PCSK5: variants seen among roughly 807,000 people sequenced by gnomAD.
PCSK5 encodes the protein proprotein convertase subtilisin/kexin type 5.
PCSK5 carries 129 observed loss-of-function variants against 233.2 expected under a neutral mutation model. That is an observed-to-expected ratio of 0.55 (90% CI 0.48 to 0.64). The LOEUF is 0.64. Ranked by LOEUF, PCSK5 falls within the 30% of genes least tolerant of loss-of-function variation. The probability of loss-of-function intolerance (pLI) is 0.00; values close to 1 mark genes in which losing one functional copy is unlikely to be tolerated. For missense variants in PCSK5, 2,076 were observed against 2,430.1 expected (o/e 0.85, Z 3.06); for synonymous variants, 825 against 879.2 (o/e 0.94, Z 1.09).
intron 20 of PCSK5, among the ~76,000 whole-genome samples, chr9:76,218,659 C>A (rs1825623894): frequency 6.8e-6 from 1 of 147,622 alleles, no homozygotes; most frequent in Admixed American, 6.8e-5. Flanking sequence ...CCACCACATC[C>A]TATGAGAGAG....
In PCSK5 at chr9:75,891,561, A is replaced by ACC. The variant is rs1244509755; in HGVS notation, c.192+189_192+190insCC. Among the ~76,000 whole-genome samples, 3 of 113,322 alleles carry ACC rather than the reference A, an allele frequency of 2.6e-5. No individual in the cohort carries two copies. The East Asian group carries it at 6.4e-4, about 24-fold the overall frequency. 74.3% of individuals were successfully genotyped at this position (113,322 alleles called of 152,430 possible). ...CACACACACACACACACACACACAC[A>ACC]CACCCCAGAGTTGCCGGGTCCGTGT... On this transcript the variant is annotated intron_variant, in intron 1 of 37. Transcript: ENST00000674117.
rs1829260532 is a variant in PCSK5 at position 76,323,192 on chromosome 9, C to T, written c.4243C>T (p.Leu1415Phe). The T allele has an allele frequency of 6.2e-7, 1 of 1,612,706 alleles. No homozygotes were observed. ...CSGPKADDCE[L>F]CLESSWVLYD... ...TGGCCCCAAAGCCGACGACTGCGAG[C>T]TCTGTCTTGAGAGTTCCTGGGTCCT... is the stretch of plus-strand genomic sequence containing the variant. Residue 1415 changes from leucine to phenylalanine, a missense_variant, in exon 32 of 38, where the codon CTC (leucine) becomes TTC (phenylalanine). Physicochemically the swap from Leu to Phe is conservative, Grantham distance 22. Coordinates refer to ENST00000674117, the MANE Select transcript of PCSK5 (RefSeq NM_001372043.1).
At chr9:76,063,319 C>CTTTTTTTT (rs1157596601) in intron 5 of PCSK5, among the ~76,000 whole-genome samples, 1,368 of 59,832 alleles carry the variant, frequency 0.023, 10 homozygotes, top group Non-Finnish European at 0.027. Context: ...TTTCTTTTTT[C>CTTTTTTTT]TTTTTTTTTT....
intron 20 of PCSK5, among the ~76,000 whole-genome samples, chr9:76,191,784 CCTTTA>C (rs1253271120): frequency 6.6e-6 from 1 of 152,102 alleles, no homozygotes; most frequent in African/African-American, 2.4e-5. Context: ...GCAAGTGCCT[CCTTTA>C]CTTTACTTAA....
In PCSK5 at chr9:75,986,137, A is replaced by G. The variant is rs777093413; in HGVS notation, c.303A>G (p.Glu101=). 1 of 1,496,110 alleles carries G rather than the reference A, an allele frequency of 6.7e-7. No individual in the cohort carries two copies. Among genetic ancestry groups the G allele is most frequent in the Admixed American group, 1.7e-5 (1 of 59,876 alleles). The allele number at this position is 1,496,110 out of a possible 1,614,324, so 92.7% of individuals were successfully genotyped here. The change falls in exon 3 of 38, where the codon GAA becomes GAG. Residue 101 remains glutamate (E), a synonymous_variant. Coordinates refer to ENST00000674117, the MANE Select transcript of PCSK5 (RefSeq NM_001372043.1). ...CCAAATGTCCTTCTTGACAGGTGGAATGGATCCAACAGCAAGTGGTAAAAA... is the reference window on the plus strand; with the variant it reads ...CCAAATGTCCTTCTTGACAGGTGGAGTGGATCCAACAGCAAGTGGTAAAAA... ...HSFISMEPKV[E]WIQQQVVKKR...
At chr9:76,168,327 T>G (rs1823175703) in intron 12 of PCSK5, among the ~76,000 whole-genome samples, 1 of 152,206 alleles carries the variant, frequency 6.6e-6, no homozygotes, top group African/African-American at 2.4e-5. Context: ...TTTTGTATTT[T>G]TAGTAGAGAC....
intron 30 of PCSK5, among the ~76,000 whole-genome samples, chr9:76,312,509 C>CA (rs754860671): frequency 2.9e-3 from 261 of 90,020 alleles, no homozygotes; most frequent in South Asian, 0.028. Flanking sequence ...AACTCCATCT[C>CA]AAAAAAAAAA....
intron 1 of PCSK5, among the ~76,000 whole-genome samples, chr9:75,922,290 T>C (rs547066443): frequency 6.6e-6 from 1 of 152,238 alleles, no homozygotes; most frequent in Admixed American, 6.5e-5. Context: ...GCTAAAGTAT[T>C]CTGATTTTAA....
At position 76,179,604 on chromosome 9, in the gene PCSK5, G is replaced by A. The variant is rs572814938; in HGVS notation, c.1909G>A (p.Asp637Asn). The A allele has an allele frequency of 4.6e-5, 74 of 1,612,768 alleles. No homozygotes were observed. Among genetic ancestry groups the A allele is most frequent in the Middle Eastern group, 3.3e-4 (2 of 6,078 alleles). The stretch of plus-strand genomic sequence containing the variant: ...TAATGTCTTTTGGAAAGGTCCCTGC[G>A]ACCCTGAGTGCAGTGAGGTTGGCTG... ...YGTEDYAGPC[D>N]PECSEVGCDG... Residue 637 changes from aspartate (D) to asparagine (N), a missense_variant, in exon 15 of 38, where the codon GAC becomes AAC. Around this residue, in one of 6 missense-constraint regions of PCSK5, gnomAD observed 84 missense variants for 108.8 expected, o/e 0.77. Coordinates refer to ENST00000674117, the MANE Select transcript of PCSK5 (RefSeq NM_001372043.1).
At chr9:76,278,872 C>G (rs1482123662) in intron 24 of PCSK5, among the ~76,000 whole-genome samples, 1 of 152,158 alleles carries the variant, frequency 6.6e-6, no homozygotes, top group Non-Finnish European at 1.5e-5. Context: ...ACAGGCATAT[C>G]TCATTTTACT....
chr9:76,343,466 G>C (rs991409900), intron 35 of PCSK5, among the ~76,000 whole-genome samples: 1 of 151,772 alleles, frequency 6.6e-6, no homozygotes, highest in Non-Finnish European at 1.5e-5. Context: ...GCCTCCCAAA[G>C]TGCTGGGATT....
At chr9:76,280,978 A>C (rs1313069661) in intron 24 of PCSK5, among the ~76,000 whole-genome samples, 2 of 152,112 alleles carry the variant, frequency 1.3e-5, no homozygotes, top group African/African-American at 4.8e-5. Flanking sequence ...CAAGGACCTA[A>C]CTCTCTTCAA....
chr9:76,356,389 C>T (rs541536962), intron 37 of PCSK5, among the ~76,000 whole-genome samples: 5 of 152,334 alleles, frequency 3.3e-5, no homozygotes, highest in African/African-American at 1.2e-4. Flanking sequence ...AACCATATCA[C>T]AAAGGCTAAC....
intron 32 of PCSK5, among the ~76,000 whole-genome samples, chr9:76,327,622 C>T (rs1403310398): frequency 6.6e-6 from 1 of 151,970 alleles, no homozygotes; most frequent in African/African-American, 2.4e-5. Context: ...CAAGGTACTC[C>T]GGAGGTGAGT....
chr9:76,188,074 G>A (rs76712032), intron 17 of PCSK5, among the ~76,000 whole-genome samples: 20,326 of 152,172 alleles, frequency 0.13, 1,579 homozygotes, highest in Middle Eastern at 0.18. Flanking sequence ...TGGCTACTCC[G>A]GAGAATTTGA....
chr9:75,922,856 T>C (rs1028603341), intron 1 of PCSK5, among the ~76,000 whole-genome samples: 15 of 152,322 alleles, frequency 9.8e-5, no homozygotes, highest in Non-Finnish European at 1.8e-4. Context: ...GTCTTAAGTT[T>C]CCTTGGTGAA....
At chr9:76,151,239 C>G (rs1013328999) in intron 10 of PCSK5, among the ~76,000 whole-genome samples, 2 of 152,208 alleles carry the variant, frequency 1.3e-5, no homozygotes, top group African/African-American at 4.8e-5. Flanking sequence ...AGGACTGCAA[C>G]AGCTGCAGGC....
chr9:76,270,710 C>A (rs1278637855), intron 24 of PCSK5, among the ~76,000 whole-genome samples: 1 of 152,180 alleles, frequency 6.6e-6, no homozygotes, highest in Admixed American at 6.5e-5. Flanking sequence ...GTGATGTGGG[C>A]TTTTGCTAAC....
chr9:75,952,631 C>T (rs1457160493), intron 2 of PCSK5, among the ~76,000 whole-genome samples: 2 of 152,162 alleles, frequency 1.3e-5, no homozygotes, highest in Non-Finnish European at 2.9e-5. Context: ...TCTTTCCTTG[C>T]CCCTAGCTTC....
Sources: allele counts gnomAD v4.1 joint callset (sites outside exome capture counted in the v4.1 genomes callset), GRCh38; gene constraint gnomAD v4.1.1; regional missense constraint gnomAD v4.1.1; transcripts MANE v1.5; gene names NCBI Gene and HGNC (gene_info 2026-07-23, HGNC 2026-07-21).